Variants in RMST observed in about 807,000 individuals in gnomAD.
RMST encodes the protein rhabdomyosarcoma 2 associated transcript, also known as long intergenic non-protein coding RNA 54.
intron 11 of RMST, among the ~76,000 whole-genome samples, chr12:97,541,550 A>T (rs555930044): frequency 1.3e-5 from 2 of 151,828 alleles, no homozygotes; most frequent in South Asian, 4.1e-4. Flanking sequence ...ACAGTTAAAC[A>T]TTCTCATTTC....
chr12:97,514,543 A>G (rs1879736802), intron 10 of RMST, among the ~76,000 whole-genome samples: 1 of 152,148 alleles, frequency 6.6e-6, no homozygotes, highest in African/African-American at 2.4e-5. Flanking sequence ...ATATCTATAT[A>G]TTTCATTGGC....
intron 11 of RMST, chr12:97,533,262 C>T (rs1185398332): frequency 6.6e-6 from 1 of 151,750 alleles, no homozygotes; most frequent in Non-Finnish European, 1.5e-5. Flanking sequence ...CTAGGGATGT[C>T]CTGAAGGGGT....
rs138081110 is a variant in RMST at position 97,509,483 on chromosome 12, C to G, written n.1340+13427C>G. Among the ~76,000 whole-genome samples the G allele has an allele frequency of 6.9e-3, 1,048 of 152,250 alleles. 7 individuals are homozygous for G. Among genetic ancestry groups the G allele is most frequent in the Non-Finnish European group, 0.011 (741 of 68,016 alleles). On this transcript the variant is annotated intron_variant and non_coding_transcript_variant, in intron 10 of 13. Coordinates refer to ENST00000640149, the Ensembl canonical transcript of RMST. ...TCACTGTAATTAGCATAAAAAGAACCTCTTTCCTCTGAGGTTGAGACAAAC... is the reference window on the plus strand; with the variant it reads ...TCACTGTAATTAGCATAAAAAGAACGTCTTTCCTCTGAGGTTGAGACAAAC...
chr12:97,550,291 CT>C (rs1883219178), intron 11 of RMST, among the ~76,000 whole-genome samples: 1 of 152,156 alleles, frequency 6.6e-6, no homozygotes, highest in South Asian at 2.1e-4. Context: ...ACTTGGGAGA[CT>C]GAGGCAGGAG....
intron 10 of RMST, among the ~76,000 whole-genome samples, chr12:97,525,908 G>A (rs1480152190): frequency 6.6e-6 from 1 of 152,062 alleles, no homozygotes; most frequent in African/African-American, 2.4e-5. Flanking sequence ...ATCAGTGGTG[G>A]CGTTAGATTC....
Position 97,549,051 on chromosome 12 carries a change from A to C in RMST, n.1546-11486A>C, listed in dbSNP as rs969807570. ...AAAACAAAAAGATCTGAGAGTTTGC[A>C]GGAAGTCTGGCCTTAGTATTTCCTA... On this transcript the variant is annotated intron_variant and non_coding_transcript_variant, in intron 11 of 13. Transcript: ENST00000640149. 3.3e-5 allele frequency among the ~76,000 whole-genome samples: 5 copies of C among 152,316 alleles called. No individual in the cohort carries two copies. In the East Asian group the frequency reaches 9.7e-4, roughly 29 times the overall value.
At chr12:97,561,827 A>C (rs1884133998) in intron 13 of RMST, among the ~76,000 whole-genome samples, 1 of 152,012 alleles carries the variant, frequency 6.6e-6, no homozygotes, top group African/African-American at 2.4e-5. Flanking sequence ...ACTCCTCACA[A>C]GATAAGATTC....
chr12:97,550,217 C>A (rs1300693736), intron 11 of RMST, among the ~76,000 whole-genome samples: 1 of 151,994 alleles, frequency 6.6e-6, no homozygotes. Context: ...CATGGAGAAA[C>A]CCCATCTCTA....
At chr12:97,535,465 A>G (rs1881996670) in intron 11 of RMST, among the ~76,000 whole-genome samples, 1 of 151,650 alleles carries the variant, frequency 6.6e-6, no homozygotes, top group African/African-American at 2.4e-5. Flanking sequence ...ACAAGCCTTT[A>G]TTAAGCACCT....
At chr12:97,519,542 A>G (rs984042009) in intron 10 of RMST, among the ~76,000 whole-genome samples, 1 of 152,180 alleles carries the variant, frequency 6.6e-6, no homozygotes, top group African/African-American at 2.4e-5. Flanking sequence ...TTTTATTTGA[A>G]ATTTAATGTT....
rs1167414599 is a variant in RMST, at chr12:97,532,659, T to TTG, written n.1545+1801_1545+1802insGT. 2.8e-4 allele frequency: 42 copies of TTG among 150,278 alleles called. No homozygotes were observed. In the East Asian group the frequency reaches 7.1e-3, roughly 25 times the overall value. 9.3% of individuals were successfully genotyped at this position (150,278 alleles called of 1,614,324 possible). On this transcript the variant is annotated intron_variant and non_coding_transcript_variant, in intron 11 of 13. Coordinates refer to ENST00000640149, the Ensembl canonical transcript of RMST. ...GCTGATGTCCCGTTTTTTTTTTTTT[T>TTG]TTTTTTTTTTAAACAGGATTATCTC...
chr12:97,519,277 A>C (rs1327473283), intron 10 of RMST, among the ~76,000 whole-genome samples: 1 of 152,188 alleles, frequency 6.6e-6, no homozygotes, highest in Non-Finnish European at 1.5e-5. Context: ...TGACTGAGTG[A>C]TAATGTAATT....
chr12:97,500,421 T>A (rs1309702925), intron 10 of RMST, among the ~76,000 whole-genome samples: 1 of 152,154 alleles, frequency 6.6e-6, no homozygotes, highest in Non-Finnish European at 1.5e-5. Flanking sequence ...AGGGATGATA[T>A]AAGTTAATAT....
At chr12:97,515,292 A>G (rs1056788774) in intron 10 of RMST, among the ~76,000 whole-genome samples, 1 of 151,960 alleles carries the variant, frequency 6.6e-6, no homozygotes, top group Non-Finnish European at 1.5e-5. Context: ...TTTCCTTATC[A>G]CCTAAAAGGC....
At chr12:97,473,258 C>A (rs1874145823) in intron 5 of RMST, among the ~76,000 whole-genome samples, 1 of 152,052 alleles carries the variant, frequency 6.6e-6, no homozygotes, top group African/African-American at 2.4e-5. Flanking sequence ...AAACATAAGG[C>A]TTTCATTTCA....
chr12:97,534,050 T>C (rs994343586), intron 11 of RMST, among the ~76,000 whole-genome samples: 1 of 151,824 alleles, frequency 6.6e-6, no homozygotes, highest in African/African-American at 2.4e-5. Context: ...CCTTGAAGCA[T>C]AGATTAATAA....
chr12:97,520,141 T>C (rs1003250194), intron 10 of RMST, among the ~76,000 whole-genome samples: 2 of 152,224 alleles, frequency 1.3e-5, no homozygotes, highest in Non-Finnish European at 2.9e-5. Context: ...TAAAAAGATA[T>C]CCATCAGACA....
At chr12:97,470,850 G>C (rs1330320786) in intron 5 of RMST, among the ~76,000 whole-genome samples, 1 of 151,914 alleles carries the variant, frequency 6.6e-6, no homozygotes, top group Non-Finnish European at 1.5e-5. Flanking sequence ...CCCCAAAAAA[G>C]AGCCATTTCC....
intron 11 of RMST, among the ~76,000 whole-genome samples, chr12:97,551,597 C>T (rs200084651): frequency 7.9e-5 from 12 of 152,092 alleles, no homozygotes; most frequent in East Asian, 1.9e-4. Flanking sequence ...GAGAAGTGTA[C>T]GTTAATTTCA....
Sources: allele counts gnomAD v4.1 joint callset (sites outside exome capture counted in the v4.1 genomes callset), GRCh38; gene constraint gnomAD v4.1.1; transcripts MANE v1.5; gene names NCBI Gene and HGNC (gene_info 2026-07-23, HGNC 2026-07-21).